PPHLN1: variants seen among roughly 807,000 people sequenced by gnomAD.
The protein encoded by PPHLN1 is periphilin 1, also known as periphilin-1.
A neutral mutation model predicts 51.3 loss-of-function variants in PPHLN1; 29 were observed. That is an observed-to-expected ratio of 0.57 (90% CI 0.42 to 0.77). The LOEUF (loss-of-function observed/expected upper bound fraction) is 0.77, where lower values mean the gene tolerates loss of function less well. PPHLN1 is among the 30% of genes least tolerant of loss of function. PPHLN1 has a pLI of 0.00. For missense variants in PPHLN1, 436 were observed against 438.4 expected (o/e 0.99, Z 0.05); for synonymous variants, 147 against 147.8 (o/e 0.99, Z 0.04).
intron 9 of PPHLN1, among the ~76,000 whole-genome samples, chr12:42,402,229 A>G (rs1324808259): frequency 1.3e-5 from 2 of 152,202 alleles, no homozygotes; most frequent in Non-Finnish European, 2.9e-5. Flanking sequence ...TCTTTCTTTT[A>G]ACTTCAAAAC....
At chr12:42,359,319 A>G (rs1376238868) in intron 4 of PPHLN1, 1 of 152,170 alleles carries the variant, frequency 6.6e-6, no homozygotes, top group Admixed American at 6.6e-5. Context: ...GTGGTATCTA[A>G]TATGTCAAAT....
chr12:42,432,200 T>A, intron 9 of PPHLN1: 1 of 817,594 alleles, frequency 1.2e-6, no homozygotes, highest in Non-Finnish European at 2.2e-6. Flanking sequence ...ACCCTCAGAT[T>A]CTATTTCAGA....
intron 9 of PPHLN1, among the ~76,000 whole-genome samples, chr12:42,427,091 T>C (rs191864618): frequency 1.3e-5 from 2 of 152,216 alleles, no homozygotes. Flanking sequence ...TCTTTTAGCC[T>C]TAGTCAGATC....
chr12:42,390,371 A>G (rs1401874118), intron 7 of PPHLN1, among the ~76,000 whole-genome samples: 1 of 152,228 alleles, frequency 6.6e-6, no homozygotes, highest in East Asian at 1.9e-4. Flanking sequence ...CATGTCAGGT[A>G]ATAGATGAAA....
chr12:42,442,811 A>G, downstream of PPHLN1: 2 of 1,606,602 alleles, frequency 1.2e-6, no homozygotes, highest in South Asian at 2.2e-5. Context: ...TCATCATGGG[A>G]CAACAGCTAT....
chr12:42,427,969 A>G (rs1189488051), intron 9 of PPHLN1, among the ~76,000 whole-genome samples: 16 of 152,220 alleles, frequency 1.1e-4, no homozygotes, highest in Admixed American at 1.0e-3. Flanking sequence ...CAATTCTAAA[A>G]AGAAGACATA....
intron 5 of PPHLN1, among the ~76,000 whole-genome samples, chr12:42,378,594 A>C (rs969078019): frequency 1.0e-5 from 1 of 98,510 alleles, no homozygotes; most frequent in Non-Finnish European, 2.0e-5. Context: ...GCCCTCATTA[A>C]AAAAAATTAA....
chr12:42,349,160 G>A (rs1192499414), intron 2 of PPHLN1, among the ~76,000 whole-genome samples: 1 of 152,172 alleles, frequency 6.6e-6, no homozygotes, highest in African/African-American at 2.4e-5. Flanking sequence ...GTAATTTAAG[G>A]AAACAGTTTG....
At chr12:42,383,943 C>G (rs780533082) in intron 5 of PPHLN1, among the ~76,000 whole-genome samples, 1 of 135,270 alleles carries the variant, frequency 7.4e-6, no homozygotes, top group Non-Finnish European at 1.5e-5. Context: ...GAGATCACGC[C>G]ACTGCACTCC....
intron 9 of PPHLN1, among the ~76,000 whole-genome samples, chr12:42,403,103 T>A (rs1325324852): frequency 6.6e-6 from 1 of 152,218 alleles, no homozygotes; most frequent in Non-Finnish European, 1.5e-5. Flanking sequence ...GGCAGCTGTA[T>A]CTATTGTTGT....
rs1258224908 is a variant in PPHLN1, at chr12:42,340,556, TAAAAG to T, written c.72+4586_72+4590del. On this transcript the variant is annotated intron_variant, in intron 2 of 9. Transcript: ENST00000358314. ...TGGATAAACTTCACAAATATAATAT[TAAAAG>T]AAAGAAGTCAGTCACAAGAGTTTAT... Among the ~76,000 whole-genome samples, 3 of 152,198 alleles carry T rather than the reference TAAAAG, an allele frequency of 2.0e-5. No homozygotes were observed. The South Asian group carries it at 6.2e-4, about 32-fold the overall frequency.
At position 42,352,012 on chromosome 12, in the gene PPHLN1, T is replaced by A. The variant is rs1240428041; in HGVS notation, c.200T>A (p.Phe67Tyr). 6.5e-7 allele frequency: 1 copy of A among 1,548,532 alleles called. No individual in the cohort carries two copies. The highest frequency in any genetic ancestry group is 2.4e-5 in the East Asian group (1 of 41,342). ...CGAGACTATGACGAGGGCCGCAGTT[T>A]TTCTCATGATCGAAGAAGTGGTCCA... ...DYRDYDEGRS[F>Y]SHDRRSGPPH... The change falls in exon 3 of 10, where the codon TTT becomes TAT. Residue 67 changes from phenylalanine to tyrosine, a missense_variant. Phe to Tyr is a conservative substitution (Grantham distance 22). Coordinates refer to ENST00000358314, the MANE Select transcript of PPHLN1 (RefSeq NM_201439.2).
chr12:42,379,381 A>G (rs769519061), intron 5 of PPHLN1, among the ~76,000 whole-genome samples: 44 of 152,032 alleles, frequency 2.9e-4, no homozygotes, highest in Non-Finnish European at 5.7e-4. Context: ...AGCCATATAT[A>G]AAGATATTTC....
At chr12:42,448,348 A>C (rs983108936), downstream of PPHLN1, 2 of 150,400 alleles carry the variant, frequency 1.3e-5, no homozygotes, top group African/African-American at 4.9e-5. Flanking sequence ...TTAGTGTTAA[A>C]ATCTATTTGA....
At chr12:42,438,655 G>A (rs1390173233) in intron 9 of PPHLN1, among the ~76,000 whole-genome samples, 1 of 152,168 alleles carries the variant, frequency 6.6e-6, no homozygotes, top group Non-Finnish European at 1.5e-5. Flanking sequence ...AGGCTGGAGT[G>A]CAGTGGCACG....
At chr12:42,327,429 G>A (rs1454599177) in intron 1 of PPHLN1, among the ~76,000 whole-genome samples, 1 of 152,166 alleles carries the variant, frequency 6.6e-6, no homozygotes, top group Non-Finnish European at 1.5e-5. Context: ...CATGTTGAAC[G>A]GATTTCAATT....
chr12:42,363,402 C>T (rs1292949731), intron 4 of PPHLN1, among the ~76,000 whole-genome samples: 1 of 151,716 alleles, frequency 6.6e-6, no homozygotes, highest in African/African-American at 2.4e-5. Context: ...TTCACACCAT[C>T]TTCCACAGGC....
intron 9 of PPHLN1, among the ~76,000 whole-genome samples, chr12:42,437,881 T>G (rs1473983498): frequency 6.6e-6 from 1 of 152,232 alleles, no homozygotes; most frequent in African/African-American, 2.4e-5. Context: ...ATCTCTTTAG[T>G]GTCTATGGGT....
At chr12:42,441,199 T>C in intron 9 of PPHLN1, 116 bp from the exon 10 acceptor site, 2 of 1,375,762 alleles carry the variant, frequency 1.5e-6, no homozygotes, top group Non-Finnish European at 1.9e-6. Flanking sequence ...AGGTTCCGCT[T>C]TCTTTTTTGT....
Sources: allele counts gnomAD v4.1 joint callset (sites outside exome capture counted in the v4.1 genomes callset), GRCh38; gene constraint gnomAD v4.1.1; transcripts MANE v1.5; gene names NCBI Gene and HGNC (gene_info 2026-07-23, HGNC 2026-07-21).